Variants in IL32 observed in about 807,000 individuals in gnomAD.
IL32 encodes the protein interleukin 32, also known as interleukin-32.
In IL32, 30 loss-of-function variants were observed where a neutral mutation model predicts 16.6. The observed-to-expected ratio is 1.81, with a 90% CI of 1.35 to 2.45. The LOEUF (loss-of-function observed/expected upper bound fraction) is 2.45. Among genes scored for constraint, IL32 ranks in the 30% most tolerant of loss-of-function variants. IL32 has a pLI of 0.00. For missense variants in IL32, 234 were observed against 229.8 expected (o/e 1.02, Z -0.12); for synonymous variants, 70 against 86.1 (o/e 0.81, Z 1.03).
At chr16:3,065,566 C>T (rs975351038), upstream of IL32, 3 of 612,726 alleles carry the variant, frequency 4.9e-6, no homozygotes, top group African/African-American at 3.7e-5. Flanking sequence ...TCAGCAAGGC[C>T]TCCTGCCCTG....
chr16:3,065,897 G>A lies in IL32; in HGVS notation c.15+71G>A, dbSNP rs1430884149. 5 of 1,578,986 alleles carry A rather than the reference G, an allele frequency of 3.2e-6. No homozygotes were observed. The African/African-American group carries it at 4.0e-5, about 13-fold the overall frequency. ...GACCGTAAGGGTGCGGGTGCCCTCAGTATTTCCCGAGGTGCCTGTGTGTCA... is the reference window on the plus strand; with the variant it reads ...GACCGTAAGGGTGCGGGTGCCCTCAATATTTCCCGAGGTGCCTGTGTGTCA... On this transcript the variant is annotated intron_variant, in intron 2 of 6. Transcript: ENST00000525643.
In IL32 at chr16:3,067,543, T is replaced by C. The variant is rs778552874; in HGVS notation, c.55-11T>C. ...CCGGCCCTTTGGTGCCAACTCTGCC[T>C]CTCTTCACAGCACCAGGCCATAGAA... On this transcript the variant is annotated splice_polypyrimidine_tract_variant and intron_variant, in intron 3 of 6. Transcript: ENST00000525643. The C allele has an allele frequency of 1.2e-6, 2 of 1,613,980 alleles. No homozygotes were observed. Among genetic ancestry groups the C allele is most frequent in the South Asian group, 1.1e-5 (1 of 91,084 alleles).
intron 2 of IL32, 127 bp from the exon 3 acceptor site, chr16:3,067,250 C>G (rs1956447364): frequency 1.5e-6 from 1 of 669,716 alleles, no homozygotes; most frequent in South Asian, 2.0e-5. Context: ...TCCTCTTATC[C>G]TGTACCTCTG....
At position 3,067,586 on chromosome 16, in the gene IL32, G is replaced by A; in HGVS notation, c.87G>A (p.Met29Ile). 1.2e-6 allele frequency: 2 copies of A among 1,613,796 alleles called. No homozygotes were observed. Among genetic ancestry groups the A allele is most frequent in the South Asian group, 1.1e-5 (1 of 91,080 alleles). ...HQAIERFYDK[M>I]QNAESGRGQV... Reference sequence around the variant, plus strand: ...CCATAGAAAGATTTTATGATAAAATGCAAAATGCAGAATCAGGACGTGGAC... The same window carrying A: ...CCATAGAAAGATTTTATGATAAAATACAAAATGCAGAATCAGGACGTGGAC... The change falls in exon 4 of 7, where the codon ATG becomes ATA. Residue 29 changes from methionine (M) to isoleucine (I), a missense_variant. Met to Ile is a conservative substitution (Grantham distance 10, BLOSUM62 1). Coordinates refer to ENST00000525643, the MANE Select transcript of IL32 (RefSeq NM_001376923.1).
At chr16:3,065,871 A>G in intron 2 of IL32, 45 bp downstream of exon 2, 2 of 1,612,976 alleles carry the variant, frequency 1.2e-6, no homozygotes, top group Non-Finnish European at 8.5e-7. Flanking sequence ...GTCTGAAAAC[A>G]GACCGTAAGG....
In IL32 at chr16:3,068,019, T is replaced by C; in HGVS notation, c.141+9T>C. 1.9e-6 allele frequency: 3 copies of C among 1,613,962 alleles called. No homozygotes were observed. The highest frequency in any genetic ancestry group is 2.2e-5 in the East Asian group (1 of 44,842). On this transcript the variant is annotated intron_variant, in intron 5 of 6. Coordinates refer to ENST00000525643, the MANE Select transcript of IL32 (RefSeq NM_001376923.1). ...GCCTGGCAGAGCTGGAGGTGAGCCG[T>C]GGCCTCCCCCTCCACCAAGCTTAGT... is the stretch of plus-strand genomic sequence containing the variant.
chr16:3,065,488 C>T (rs1025566749), upstream of IL32: 1 of 479,238 alleles, frequency 2.1e-6, no homozygotes, highest in Non-Finnish European at 3.8e-6. Flanking sequence ...ACCTCTGTCT[C>T]TCTCGGGTAA....
chr16:3,068,117 G>A (rs1315068885), intron 5 of IL32, 63 bp from the exon 6 acceptor site: 1 of 1,602,242 alleles, frequency 6.2e-7, no homozygotes, highest in Non-Finnish European at 8.5e-7. Context: ...GGACCAGTGG[G>A]GGCCACAGTG....
At chr16:3,067,524 C>G (rs773824307) in intron 3 of IL32, 30 bp from the exon 4 acceptor site, 4 of 1,614,054 alleles carry the variant, frequency 2.5e-6, no homozygotes, top group East Asian at 2.2e-5. Context: ...GGATCCGGCC[C>G]TTTGGTGCCA....
intron 6 of IL32, chr16:3,068,749 G>C (rs934358071): frequency 3.4e-6 from 2 of 595,936 alleles, no homozygotes; most frequent in South Asian, 2.0e-5. Flanking sequence ...CTCAAGGCAC[G>C]ATGAGGGCCC....
intron 2 of IL32, 79 bp from the exon 3 acceptor site, chr16:3,067,279 GTGTGTGTGTGTGTGTGTGT>G (rs1394537456): frequency 5.2e-5 from 22 of 422,678 alleles, no homozygotes; most frequent in Admixed American, 1.0e-4. Context: ...CTCTGTGTGT[GTGTGTGTGTGTGTGTGTGT>G]GTGTGTGTGT....
intron 5 of IL32, 74 bp downstream of exon 5, chr16:3,068,084 C>T (rs1042382462): frequency 1.9e-6 from 3 of 1,608,038 alleles, no homozygotes; most frequent in African/African-American, 2.7e-5. Flanking sequence ...GGTCTGGGCC[C>T]CGGGTCCCCT....
rs1365711104 is a variant in IL32, at chr16:3,069,173, T to C, written c.385T>C (p.Trp129Arg). The C allele has an allele frequency of 6.2e-7, 1 of 1,613,744 alleles. No homozygotes were observed. The highest frequency in any genetic ancestry group is 8.5e-7 in the Non-Finnish European group (1 of 1,179,944). Residue 129 changes from tryptophan to arginine, a missense_variant, in exon 7 of 7, where the codon TGG becomes CGG. Trp to Arg is a moderately radical substitution (Grantham distance 101, BLOSUM62 -3). Coordinates refer to ENST00000525643, the MANE Select transcript of IL32 (RefSeq NM_001376923.1). ...LQTWWHGVLA[W>R]VKEKVVALVH... Reference sequence around the variant, plus strand: ...GACCTGGTGGCACGGGGTTCTGGCCTGGGTGAAGGAGAAGGTGGTGGCCCT... The same window carrying C: ...GACCTGGTGGCACGGGGTTCTGGCCCGGGTGAAGGAGAAGGTGGTGGCCCT...
chr16:3,068,853 G>T (rs1019695099), intron 6 of IL32, 137 bp from the exon 7 acceptor site: 4 of 1,393,692 alleles, frequency 2.9e-6, no homozygotes, highest in Admixed American at 2.6e-5. Context: ...TCTTGCCCAC[G>T]GGGCTGTGGT....
chr16:3,066,800 C>A lies in IL32; in HGVS notation c.16-577C>A, dbSNP rs182176273. The stretch of plus-strand genomic sequence containing the variant: ...CATTTTTTCCTTGGCCAACTCTCAC[C>A]TGGGACCATAGTGGTTGTGGGAAAC... On this transcript the variant is annotated intron_variant, in intron 2 of 6. Transcript: ENST00000525643. Among the ~76,000 whole-genome samples, 3 of 152,050 alleles carry A rather than the reference C, an allele frequency of 2.0e-5. No individual in the cohort carries two copies. The South Asian group carries it at 6.2e-4, about 31-fold the overall frequency.
chr16:3,067,287 G>GTGTGTGTGTGTGTC lies in IL32; in HGVS notation c.16-77_16-76insCTGTGTGTGTGTGT, dbSNP rs1956474324. 9.1e-6 allele frequency: 5 copies of GTGTGTGTGTGTGTC among 551,694 alleles called. No homozygotes were observed. In the Admixed American group the frequency reaches 1.9e-4, roughly 21 times the overall value. The allele number at this position is 551,694 out of a possible 1,614,324, so 34.2% of individuals were successfully genotyped here. ...CATGTGTCTCTGTGTGTGTGTGTGT[G>GTGTGTGTGTGTGTC]TGTGTGTGTGTGTGTGTGTGTGTAT... On this transcript the variant is annotated intron_variant, in intron 2 of 6. Coordinates refer to ENST00000525643, the MANE Select transcript of IL32 (RefSeq NM_001376923.1).
intron 5 of IL32, 33 bp downstream of exon 5, chr16:3,068,043 G>A (rs759655759): frequency 1.2e-6 from 2 of 1,613,782 alleles, no homozygotes; most frequent in South Asian, 1.1e-5. Flanking sequence ...ACCAAGCTTA[G>A]TCCCTGGGTC....
Position 3,067,364 on chromosome 16 carries a change from G to T in IL32, c.16-13G>T. ...TGACACATGGAGACTGAGTGTCACC[G>T]TTATTTCCGCAGGTCCTCTCTGATG... is the stretch of plus-strand genomic sequence containing the variant. On this transcript the variant is annotated splice_polypyrimidine_tract_variant and intron_variant, in intron 2 of 6. Transcript: ENST00000525643. The T allele has an allele frequency of 2.7e-6, 4 of 1,505,614 alleles. No individual in the cohort carries two copies. The highest frequency in any genetic ancestry group is 2.7e-6 in the Non-Finnish European group (3 of 1,116,470). The allele number at this position is 1,505,614 out of a possible 1,614,324, so 93.3% of individuals were successfully genotyped here.
intron 6 of IL32, 134 bp from the exon 7 acceptor site, chr16:3,068,856 G>A: frequency 1.4e-6 from 2 of 1,411,192 alleles, no homozygotes; most frequent in Non-Finnish European, 1.9e-6. Flanking sequence ...TGCCCACGGG[G>A]CTGTGGTTGG....
Sources: allele counts gnomAD v4.1 joint callset (sites outside exome capture counted in the v4.1 genomes callset), GRCh38; gene constraint gnomAD v4.1.1; transcripts MANE v1.5; gene names NCBI Gene and HGNC (gene_info 2026-07-23, HGNC 2026-07-21).